The following FSTL4 variants were observed in gnomAD, a reference collection of about 807,000 sequenced individuals.
The protein encoded by FSTL4 is follistatin-related protein 4.
A neutral mutation model predicts 78.2 loss-of-function variants in FSTL4; 28 were observed. That is an observed-to-expected ratio of 0.36 (90% CI 0.27 to 0.49). FSTL4 has a LOEUF of 0.49. Among genes scored for constraint, FSTL4 ranks in the 20% least tolerant of loss-of-function variants. FSTL4 has a pLI of 0.98. For missense variants in FSTL4, 922 were observed against 1,084.9 expected (o/e 0.85, Z 2.11); for synonymous variants, 422 against 440.5 (o/e 0.96, Z 0.53).
At chr5:133,760,239 CCA>C in the FSTL4 span, among the ~76,000 whole-genome samples, 1 of 152,204 alleles carries the variant, frequency 6.6e-6, no homozygotes, top group Non-Finnish European at 1.5e-5. Flanking sequence ...TGAATGGAAG[CCA>C]CAGAGTCACT....
At chr5:133,739,417 C>A in the FSTL4 span, among the ~76,000 whole-genome samples, 1 of 152,082 alleles carries the variant, frequency 6.6e-6, no homozygotes, top group African/African-American at 2.4e-5. Context: ...AACCCACTGC[C>A]AGCAGAACAT....
At chr5:133,660,043 C>T in the FSTL4 span, among the ~76,000 whole-genome samples, 3 of 152,236 alleles carry the variant, frequency 2.0e-5, no homozygotes, top group Non-Finnish European at 4.4e-5. Flanking sequence ...TTTGTCTACC[C>T]AATATGCTCA....
the FSTL4 span, among the ~76,000 whole-genome samples, chr5:133,623,018 T>C: frequency 6.6e-6 from 1 of 152,142 alleles, no homozygotes; most frequent in African/African-American, 2.4e-5. Context: ...TTAGTAGTTT[T>C]ATGTTTCACA....
intron 7 of FSTL4, among the ~76,000 whole-genome samples, chr5:133,234,775 C>T (rs966267311): frequency 1.3e-5 from 2 of 152,192 alleles, no homozygotes; most frequent in African/African-American, 2.4e-5. Context: ...CTGGCTTCTC[C>T]ACCTGTAAAT....
In FSTL4 at chr5:133,331,141, G is replaced by A. The variant is rs577361587; in HGVS notation, c.410-14489C>T. 6.6e-5 allele frequency among the ~76,000 whole-genome samples: 10 copies of A among 152,318 alleles called. No individual in the cohort carries two copies. The East Asian group carries it at 9.7e-4, about 15-fold the overall frequency. ...CCCCGCTGAGAGGGAAAGCAGCCCC[G>A]CATAGGTCCCGGCAGGGCCTTCTCC... On this transcript the variant is annotated intron_variant, in intron 4 of 15. Transcript: ENST00000265342.
At chr5:133,704,509 GT>G in the FSTL4 span, among the ~76,000 whole-genome samples, 1 of 152,226 alleles carries the variant, frequency 6.6e-6, no homozygotes, top group African/African-American at 2.4e-5. Context: ...TGGAATGCCA[GT>G]CCTAAATCCT....
intron 3 of FSTL4, among the ~76,000 whole-genome samples, chr5:133,428,864 C>A (rs1460676571): frequency 6.6e-6 from 1 of 152,188 alleles, no homozygotes; most frequent in Non-Finnish European, 1.5e-5. Flanking sequence ...TAAGAGTAAA[C>A]TACGACACAC....
the FSTL4 span, among the ~76,000 whole-genome samples, chr5:133,650,457 C>A: frequency 1.5e-4 from 23 of 152,262 alleles, no homozygotes; most frequent in African/African-American, 5.5e-4. Context: ...GTCAGTGACA[C>A]ATTTTCAGTT....
chr5:133,395,332 G>A (rs1015769042), intron 4 of FSTL4, among the ~76,000 whole-genome samples: 1 of 152,140 alleles, frequency 6.6e-6, no homozygotes. Flanking sequence ...AACTCCAGAC[G>A]CGCCGCCTTA....
the FSTL4 span, among the ~76,000 whole-genome samples, chr5:133,742,081 G>C: frequency 6.6e-6 from 1 of 152,184 alleles, no homozygotes; most frequent in African/African-American, 2.4e-5. Flanking sequence ...TTCTTGCATG[G>C]GGTCACTACA....
chr5:133,456,694 A>C (rs1214285272), intron 3 of FSTL4, among the ~76,000 whole-genome samples: 1 of 126,946 alleles, frequency 7.9e-6, no homozygotes, highest in East Asian at 2.0e-4. Context: ...TTAAAAAAAC[A>C]AAACAAAACA....
chr5:133,758,541 T>C, the FSTL4 span, among the ~76,000 whole-genome samples: 1 of 152,176 alleles, frequency 6.6e-6, no homozygotes, highest in East Asian at 1.9e-4. Flanking sequence ...AAAATAAGTA[T>C]AAATTCAATG....
At chr5:133,685,532 G>A in the FSTL4 span, among the ~76,000 whole-genome samples, 4,107 of 152,352 alleles carry the variant, frequency 0.027, 67 homozygotes, top group South Asian at 0.052. Context: ...CTTGGAGACA[G>A]TGAAGTGCTG....
the FSTL4 span, among the ~76,000 whole-genome samples, chr5:133,656,387 A>G: frequency 6.6e-6 from 1 of 152,214 alleles, no homozygotes; most frequent in African/African-American, 2.4e-5. Flanking sequence ...TGTCAAGGGC[A>G]GTAATTTTCT....
intron 4 of FSTL4, among the ~76,000 whole-genome samples, chr5:133,382,557 G>GGA (rs1475081561): frequency 2.6e-5 from 4 of 151,966 alleles, no homozygotes; most frequent in Non-Finnish European, 5.9e-5. Context: ...TTGGAAAATT[G>GGA]GAGAGAGGGA....
At chr5:133,464,908 A>G (rs1025755164) in intron 3 of FSTL4, among the ~76,000 whole-genome samples, 15 of 152,262 alleles carry the variant, frequency 9.9e-5, no homozygotes, top group African/African-American at 3.6e-4. Context: ...CTACTCAACC[A>G]CATCTATAAT....
the FSTL4 span, among the ~76,000 whole-genome samples, chr5:133,838,558 G>A: frequency 6.6e-6 from 1 of 152,146 alleles, no homozygotes; most frequent in East Asian, 1.9e-4. Flanking sequence ...TCGCATGTCT[G>A]GTACCCAGTC....
the FSTL4 span, among the ~76,000 whole-genome samples, chr5:133,684,295 G>A: frequency 6.6e-5 from 10 of 152,300 alleles, no homozygotes; most frequent in Middle Eastern, 3.4e-3. Flanking sequence ...TGTCCTCCCC[G>A]ACCCTCGCAG....
intron 3 of FSTL4, among the ~76,000 whole-genome samples, chr5:133,466,617 C>A (rs988558352): frequency 7.9e-5 from 12 of 152,158 alleles, no homozygotes; most frequent in African/African-American, 2.9e-4. Flanking sequence ...CACCCATCTA[C>A]CATGTATCCG....
Sources: gnomAD v4.1 joint callset for allele counts (sites outside exome capture counted in the v4.1 genomes callset) on GRCh38, gnomAD v4.1.1 for gene constraint, MANE v1.5 for transcripts, NCBI Gene and HGNC (gene_info 2026-07-23, HGNC 2026-07-21) for gene names.